PGM5: variants seen among roughly 807,000 people sequenced by gnomAD.
The protein encoded by PGM5 is phosphoglucomutase 5.
PGM5 carries 23 observed loss-of-function variants against 59.2 expected under a neutral mutation model. That is an observed-to-expected ratio of 0.39 (90% CI 0.28 to 0.55). PGM5 has a LOEUF of 0.55. Ranked by LOEUF, PGM5 falls within the 20% of genes least tolerant of loss-of-function variation. The pLI, the probability that PGM5 is intolerant of heterozygous loss-of-function variation, is 0.66. For missense variants in PGM5, 574 were observed against 748.3 expected (o/e 0.77, Z 2.72); for synonymous variants, 214 against 286.0 (o/e 0.75, Z 2.54).
chr9:68,528,218 G>A (rs748349057), intron 10 of PGM5, among the ~76,000 whole-genome samples: 1 of 151,992 alleles, frequency 6.6e-6, no homozygotes, highest in Admixed American at 6.5e-5. Context: ...TATATTAATA[G>A]GTGTCTTTAT....
intron 1 of PGM5, among the ~76,000 whole-genome samples, chr9:68,377,323 A>G (rs1416225135): frequency 6.6e-6 from 1 of 152,164 alleles, no homozygotes; most frequent in African/African-American, 2.4e-5. Context: ...TGAACATTGG[A>G]ATCATCTGTG....
At chr9:68,406,843 T>G (rs1409157991) in intron 6 of PGM5, among the ~76,000 whole-genome samples, 1 of 149,832 alleles carries the variant, frequency 6.7e-6, no homozygotes, top group Non-Finnish European at 1.5e-5. Context: ...TGGATTCTCA[T>G]GAGTAGTCTC....
intron 6 of PGM5, among the ~76,000 whole-genome samples, chr9:68,456,439 T>C (rs1406786666): frequency 6.6e-6 from 1 of 151,370 alleles, no homozygotes; most frequent in Non-Finnish European, 1.5e-5. Context: ...GCCTCCCGAG[T>C]AGCTGGGACT....
intron 6 of PGM5, among the ~76,000 whole-genome samples, chr9:68,415,817 T>TCTATCTA (rs1563999521): frequency 2.6e-4 from 12 of 46,104 alleles, no homozygotes; most frequent in African/African-American, 5.9e-4. Flanking sequence ...CTATCTATCT[T>TCTATCTA]ATCTATCTAT....
chr9:68,492,138 A>T (rs1341976962), intron 9 of PGM5, among the ~76,000 whole-genome samples: 1 of 152,176 alleles, frequency 6.6e-6, no homozygotes, highest in African/African-American at 2.4e-5. Flanking sequence ...ATAAAAGAGA[A>T]AAGCTGCAAA....
At position 68,372,149 on chromosome 9, in the gene PGM5, T is replaced by A. The variant is rs1228558863; in HGVS notation, c.262-6050T>A. On this transcript the variant is annotated intron_variant, in intron 1 of 10. Coordinates refer to ENST00000396396, the MANE Select transcript of PGM5 (RefSeq NM_021965.4). ...TTGTATTCATTTCCTAGGACTCCCATAACAAATTACCACATATTTGGTGGT... is the reference window on the plus strand; with the variant it reads ...TTGTATTCATTTCCTAGGACTCCCAAAACAAATTACCACATATTTGGTGGT... Among the ~76,000 whole-genome samples the A allele has an allele frequency of 3.9e-5, 6 of 152,278 alleles. No individual in the cohort carries two copies. In the East Asian group the frequency reaches 1.2e-3, roughly 29 times the overall value.
At chr9:68,520,021 T>C (rs777559624) in intron 10 of PGM5, among the ~76,000 whole-genome samples, 2 of 151,016 alleles carry the variant, frequency 1.3e-5, no homozygotes, top group Non-Finnish European at 2.9e-5. Context: ...GCCTGGGAAA[T>C]TGATGATGCA....
chr9:68,370,323 G>A (rs1379590868), intron 1 of PGM5, among the ~76,000 whole-genome samples: 1 of 151,958 alleles, frequency 6.6e-6, no homozygotes, highest in African/African-American at 2.4e-5. Flanking sequence ...AATCACAAAG[G>A]GTAAGTCTGA....
At chr9:68,466,138 C>A in intron 7 of PGM5, 2 of 1,298,072 alleles carry the variant, frequency 1.5e-6, no homozygotes, top group South Asian at 2.5e-5. Flanking sequence ...TTTATTTCTC[C>A]CCTTTTTTCT....
intron 10 of PGM5, among the ~76,000 whole-genome samples, chr9:68,500,958 C>CT (rs1160349642): frequency 1.1e-3 from 165 of 147,386 alleles, no homozygotes; most frequent in East Asian, 3.8e-3. Flanking sequence ...AAAAGCAGTG[C>CT]TTTTTTTTTT....
chr9:68,376,777 CTTTCTTTCTTTCTTTCTT>C (rs1271715262), intron 1 of PGM5, among the ~76,000 whole-genome samples: 5 of 74,930 alleles, frequency 6.7e-5, no homozygotes, highest in African/African-American at 2.7e-4. Context: ...TTCTTTCTTT[CTTTCTTTCTTTCTTTCTT>C]TCTTTCTTTC....
chr9:68,461,164 G>A (rs1308012583), intron 6 of PGM5, among the ~76,000 whole-genome samples: 2 of 152,106 alleles, frequency 1.3e-5, no homozygotes, highest in Non-Finnish European at 2.9e-5. Flanking sequence ...CAGAGATCCA[G>A]GTCCTCCCCT....
At chr9:68,359,003 G>A (rs1389002066) in intron 1 of PGM5, among the ~76,000 whole-genome samples, 1 of 152,144 alleles carries the variant, frequency 6.6e-6, no homozygotes, top group Non-Finnish European at 1.5e-5. Flanking sequence ...AACGAGCCTT[G>A]GGAGAGCTAT....
At chr9:68,519,506 A>G (rs1215751988) in intron 10 of PGM5, among the ~76,000 whole-genome samples, 1 of 152,078 alleles carries the variant, frequency 6.6e-6, no homozygotes, top group Non-Finnish European at 1.5e-5. Context: ...AAAAAATAGA[A>G]GGAAATTACA....
At chr9:68,441,761 C>T (rs1190921310) in intron 6 of PGM5, among the ~76,000 whole-genome samples, 2 of 151,214 alleles carry the variant, frequency 1.3e-5, no homozygotes, top group East Asian at 3.9e-4. Context: ...TGCAATAAGG[C>T]AAGAAAAGGA....
At position 68,406,536 on chromosome 9, in the gene PGM5, C is replaced by A. The variant is rs2480130; in HGVS notation, c.1043+14063C>A. Reference sequence around the variant, plus strand: ...TCATGAGGTCAGAGTCCTCATGACCCAATCCCTTCTTAAAGCCCCCACCTC... The same window carrying A: ...TCATGAGGTCAGAGTCCTCATGACCAAATCCCTTCTTAAAGCCCCCACCTC... On this transcript the variant is annotated intron_variant, in intron 6 of 10. Coordinates refer to ENST00000396396, the MANE Select transcript of PGM5 (RefSeq NM_021965.4). 1.9e-4 allele frequency: 29 copies of A among 150,332 alleles called. No homozygotes were observed. In the South Asian group the frequency reaches 3.6e-3, roughly 19 times the overall value. 9.3% of individuals were successfully genotyped at this position (150,332 alleles called of 1,614,324 possible).
chr9:68,385,107 A>G (rs1242883660), intron 3 of PGM5, among the ~76,000 whole-genome samples: 16 of 152,096 alleles, frequency 1.1e-4, no homozygotes, highest in Admixed American at 9.8e-4. Flanking sequence ...CCAAAATGAG[A>G]TTGTCAAAAA....
chr9:68,362,743 C>T (rs1834602965), intron 1 of PGM5, among the ~76,000 whole-genome samples: 1 of 151,988 alleles, frequency 6.6e-6, no homozygotes, highest in South Asian at 2.1e-4. Context: ...GGTGGGTACA[C>T]CTAAGGCAAT....
rs997334055 is a variant in PGM5, at chr9:68,519,660, AT to A, written c.1615-9905del. Among the ~76,000 whole-genome samples the A allele has an allele frequency of 9.9e-5, 15 of 151,454 alleles. 1 individual carries two copies. In the South Asian group the frequency reaches 1.9e-3, roughly 19 times the overall value. On this transcript the variant is annotated intron_variant, in intron 10 of 10. Coordinates refer to ENST00000396396, the MANE Select transcript of PGM5 (RefSeq NM_021965.4). Reference sequence around the variant, plus strand: ...AAAACTTAAAGTATAATAAAAAAAAATTAAAAAAAAAAAGAAAAACAGCTAG... The same window carrying A: ...AAAACTTAAAGTATAATAAAAAAAAATAAAAAAAAAAAGAAAAACAGCTAG...
Sources: gnomAD v4.1 joint callset for allele counts (sites outside exome capture counted in the v4.1 genomes callset) on GRCh38, gnomAD v4.1.1 for gene constraint, MANE v1.5 for transcripts, NCBI Gene and HGNC (gene_info 2026-07-23, HGNC 2026-07-21) for gene names.